Variants in CACNA1I observed in about 807,000 individuals in gnomAD.
The protein encoded by CACNA1I is calcium voltage-gated channel subunit alpha1 I.
CACNA1I carries 74 observed loss-of-function variants against 201.6 expected under a neutral mutation model. The observed-to-expected ratio is 0.37, with a 90% CI of 0.30 to 0.45. The LOEUF (loss-of-function observed/expected upper bound fraction) is 0.45. Among genes scored for constraint, CACNA1I ranks in the 20% least tolerant of loss-of-function variants. The pLI is 1.00. For synonymous variants in CACNA1I, 1,431 were observed against 1,345.2 expected (o/e 1.06, Z -1.40); for missense variants, 2,346 against 3,138.1 (o/e 0.75, Z 6.03).
intron 3 of CACNA1I, among the ~76,000 whole-genome samples, chr22:39,607,896 G>GGT (rs1404019311): frequency 2.8e-4 from 11 of 39,656 alleles, no homozygotes; most frequent in Admixed American, 1.7e-3. Flanking sequence ...GTGCCAAGGC[G>GGT]GGGGGGGGTC....
intron 4 of CACNA1I, among the ~76,000 whole-genome samples, chr22:39,623,982 G>A (rs111073900): frequency 0.1 from 15,017 of 149,918 alleles, 970 homozygotes; most frequent in African/African-American, 0.19. Flanking sequence ...TGTCAAGGGT[G>A]TGTGTGCGCC....
chr22:39,663,877 A>G, intron 19 of CACNA1I, 36 bp downstream of exon 19: 1 of 1,611,444 alleles, frequency 6.2e-7, no homozygotes, highest in Non-Finnish European at 8.5e-7. Context: ...GGCAGGCGCC[A>G]GGCCAAGGGA....
intron 1 of CACNA1I, among the ~76,000 whole-genome samples, chr22:39,594,274 A>G (rs917094507): frequency 6.6e-6 from 1 of 151,964 alleles, no homozygotes; most frequent in Admixed American, 6.6e-5. Flanking sequence ...GGCTCCTGGG[A>G]GACGCCACTA....
rs566666546 is a variant in CACNA1I, at chr22:39,661,303, G to A, written c.2894G>A (p.Arg965His). The A allele has an allele frequency of 5.2e-5, 82 of 1,565,980 alleles. No homozygotes were observed. Among genetic ancestry groups the A allele is most frequent in the Non-Finnish European group, 6.7e-5 (77 of 1,155,378 alleles). ...CTAGGGAGGATGAGCTATGACCAGC[G>A]CTCCCTGGTGAGTCCTTGTGGGGAG... is the stretch of plus-strand genomic sequence containing the variant. ...MSLGRMSYDQ[R>H]SLSSSRSSYY... is the part of the protein sequence containing the mutation. The change falls in exon 16 of 37, where the codon CGC (arginine) becomes CAC (histidine). Residue 965 changes from arginine (R) to histidine (H), a missense_variant. This residue lies in a region of CACNA1I where 288 missense variants were observed against 255.2 expected (regional missense o/e 1.13). Transcript: ENST00000402142.
chr22:39,595,487 T>C (rs1932871529), intron 1 of CACNA1I, among the ~76,000 whole-genome samples: 4 of 151,750 alleles, frequency 2.6e-5, no homozygotes, highest in Admixed American at 1.3e-4. Flanking sequence ...TAGCCGGGCA[T>C]AGTGGCAGGC....
At chr22:39,667,318 G>T (rs1935228083) in intron 23 of CACNA1I, among the ~76,000 whole-genome samples, 1 of 152,220 alleles carries the variant, frequency 6.6e-6, no homozygotes, top group Non-Finnish European at 1.5e-5. Flanking sequence ...AGGGGTCTGT[G>T]CTCTGGATGG....
In CACNA1I at chr22:39,684,370, C is replaced by G. The variant is rs1291432037; in HGVS notation, c.5899C>G (p.Pro1967Ala). Reference protein sequence around the residue: ...LLPMPAEFFHPAVSASQKGPE... With the variant: ...LLPMPAEFFHAAVSASQKGPE... ...GCCCATGCCAGCCGAGTTCTTCCAC[C>G]CTGCAGTGTCTGCCAGCCAGAAAGG... The change falls in exon 36 of 37, where the codon CCT becomes GCT. Residue 1967 changes from proline (P) to alanine (A), a missense_variant. Around this residue, in one of 13 missense-constraint regions of CACNA1I, gnomAD observed 441 missense variants for 555.6 expected, o/e 0.79. Transcript: ENST00000402142. This position sits in a 1 kb window ranked among gnomAD's most constrained non-coding sequence, Gnocchi z 4.6. 6.2e-7 allele frequency: 1 copy of G among 1,613,614 alleles called. No homozygotes were observed. The highest frequency in any genetic ancestry group is 1.7e-5 in the Admixed American group (1 of 60,006).
Position 39,686,125 on chromosome 22 carries a change from C to T in CACNA1I, c.6392C>T (p.Ser2131Leu). Residue 2131 changes from serine to leucine, a missense_variant, in exon 37 of 37, where the codon TCG becomes TTG. Physicochemically the swap from Ser to Leu is moderately radical, Grantham distance 145 (BLOSUM62 -2). Transcript: ENST00000402142. ...CACTCGGAGACCCTCAGCAGCCTCTCGCTCACCTCCCTCTTCTGCCCGCCG... is the reference window on the plus strand; with the variant it reads ...CACTCGGAGACCCTCAGCAGCCTCTTGCTCACCTCCCTCTTCTGCCCGCCG... Reference protein sequence around the residue: ...SEHSETLSSLSLTSLFCPPPP... With the variant: ...SEHSETLSSLLLTSLFCPPPP... 3 of 1,263,638 alleles carry T rather than the reference C, an allele frequency of 2.4e-6. No homozygotes were observed. Among genetic ancestry groups the T allele is most frequent in the Admixed American group, 4.0e-5 (1 of 25,246 alleles). The allele number at this position is 1,263,638 out of a possible 1,614,324, so 78.3% of individuals were successfully genotyped here.
rs988810666 is a variant in CACNA1I, at chr22:39,666,281, G to C, written c.4104+275G>C. Among the ~76,000 whole-genome samples the C allele has an allele frequency of 6.6e-6, 1 of 151,788 alleles. No individual in the cohort carries two copies. The highest frequency in any genetic ancestry group is 2.4e-5 in the African/African-American group (1 of 41,280). ...GTTCTTGGCTCCCACCCCCGACCCA[G>C]GGACCCCTGACAGGAGTTTTAGAAT... On this transcript the variant is annotated intron_variant, in intron 23 of 36. Transcript: ENST00000402142. This position sits in a 1 kb window ranked among gnomAD's most constrained non-coding sequence, Gnocchi z 4.1.
Position 39,686,137 on chromosome 22 carries a change from T to C in CACNA1I, c.6404T>C (p.Leu2135Pro). 1 of 1,179,444 alleles carries C rather than the reference T, an allele frequency of 8.5e-7. No homozygotes were observed. The highest frequency in any genetic ancestry group is 1.0e-6 in the Non-Finnish European group (1 of 953,246). The allele number at this position is 1,179,444 out of a possible 1,614,324, so 73.1% of individuals were successfully genotyped here. ...CTCAGCAGCCTCTCGCTCACCTCCC[T>C]CTTCTGCCCGCCGCCCCCGCCGCCA... Reference protein sequence around the residue: ...ETLSSLSLTSLFCPPPPPPAP... With the variant: ...ETLSSLSLTSPFCPPPPPPAP... The change falls in exon 37 of 37, where the codon CTC (leucine) becomes CCC (proline). Residue 2135 changes from leucine (L) to proline (P), a missense_variant. By Grantham distance (98) the Leu-to-Pro change is moderately conservative. This residue lies in a region of CACNA1I where 187 missense variants were observed against 151.0 expected (regional missense o/e 1.24). Transcript: ENST00000402142.
At chr22:39,636,429 G>A (rs759567804) in intron 5 of CACNA1I, among the ~76,000 whole-genome samples, 43 of 152,224 alleles carry the variant, frequency 2.8e-4, no homozygotes, top group Non-Finnish European at 4.4e-4. Flanking sequence ...TGATTGCCAC[G>A]CCTCCCTCTG....
chr22:39,623,974 T>G lies in CACNA1I; in HGVS notation c.580+4567T>G, dbSNP rs1387882462. Among the ~76,000 whole-genome samples the G allele has an allele frequency of 2.1e-5, 3 of 144,332 alleles. No homozygotes were observed. The Admixed American group carries it at 2.1e-4, about 10-fold the overall frequency. The allele number at this position is 144,332 out of a possible 152,430, so 94.7% of individuals were successfully genotyped here. On this transcript the variant is annotated intron_variant, in intron 4 of 36. Coordinates refer to ENST00000402142, the MANE Select transcript of CACNA1I (RefSeq NM_021096.4). ...GTGTGTGTGAAAGGGTGTGTATGTGTCAAGGGTGTGTGTGCGCCTCTGAAC... is the reference window on the plus strand; with the variant it reads ...GTGTGTGTGAAAGGGTGTGTATGTGGCAAGGGTGTGTGTGCGCCTCTGAAC...
Position 39,686,170 on chromosome 22 carries a change from G to T in CACNA1I, c.6437G>T (p.Gly2146Val), listed in dbSNP as rs1935867104. Reference sequence around the variant, plus strand: ...CCGCCGCCCCCGCCGCCAGCCCCCGGCCTCACGCCCGCCAGGAAGTTCAGC... The same window carrying T: ...CCGCCGCCCCCGCCGCCAGCCCCCGTCCTCACGCCCGCCAGGAAGTTCAGC... Reference protein sequence around the residue: ...FCPPPPPPAPGLTPARKFSST... With the variant: ...FCPPPPPPAPVLTPARKFSST... Residue 2146 changes from glycine to valine, a missense_variant, in exon 37 of 37, where the codon GGC becomes GTC. Physicochemically the swap from Gly to Val is moderately radical, Grantham distance 109. Coordinates refer to ENST00000402142, the MANE Select transcript of CACNA1I (RefSeq NM_021096.4). 4.7e-6 allele frequency: 6 copies of T among 1,283,232 alleles called. No individual in the cohort carries two copies. Among genetic ancestry groups the T allele is most frequent in the African/African-American group, 1.6e-5 (1 of 63,718 alleles). 79.5% of individuals were successfully genotyped at this position (1,283,232 alleles called of 1,614,324 possible). A position where few individuals can be genotyped will look rare whatever the true frequency, so the allele number is the denominator to read the frequency against.
chr22:39,618,870 A>G (rs532434774), intron 3 of CACNA1I, among the ~76,000 whole-genome samples: 3 of 152,192 alleles, frequency 2.0e-5, no homozygotes, highest in Non-Finnish European at 4.4e-5. Flanking sequence ...TGAAGGAGGC[A>G]AACTGCCTCC....
intron 2 of CACNA1I, 120 bp from the exon 3 acceptor site, chr22:39,600,400 G>T: frequency 2.7e-6 from 2 of 751,920 alleles, no homozygotes; most frequent in East Asian, 2.8e-5. Flanking sequence ...AGGAGTTTCC[G>T]GGTGTTTCCC....
intron 33 of CACNA1I, 47 bp downstream of exon 33, chr22:39,679,915 G>A (rs754670334): frequency 2.5e-5 from 39 of 1,574,638 alleles, no homozygotes; most frequent in South Asian, 2.1e-4. Context: ...GGGGCAGCAC[G>A]AAACCTGGTG....
At chr22:39,630,792 C>T (rs565754874) in intron 4 of CACNA1I, among the ~76,000 whole-genome samples, 7 of 152,374 alleles carry the variant, frequency 4.6e-5, no homozygotes, top group Admixed American at 3.3e-4. Context: ...GAGGCAGCCC[C>T]GAAAGTGGGC....
At position 39,620,275 on chromosome 22, in the gene CACNA1I, C is replaced by A. The variant is rs12161013; in HGVS notation, c.580+868C>A. 8.7e-3 allele frequency among the ~76,000 whole-genome samples: 385 copies of A among 44,444 alleles called. 6 individuals carry two copies. The highest frequency in any genetic ancestry group is 0.022 in the African/African-American group (329 of 14,690). The allele number at this position is 44,444 out of a possible 152,430, so 29.2% of individuals were successfully genotyped here. A position where few individuals can be genotyped will look rare whatever the true frequency, so the allele number is the denominator to read the frequency against. On this transcript the variant is annotated intron_variant, in intron 4 of 36. Coordinates refer to ENST00000402142, the MANE Select transcript of CACNA1I (RefSeq NM_021096.4). ...TCCATCCATCCATCCATCCATCCATCCATACGTACATACATACATCTGCTC... is the reference window on the plus strand; with the variant it reads ...TCCATCCATCCATCCATCCATCCATACATACGTACATACATACATCTGCTC...
intron 19 of CACNA1I, 79 bp downstream of exon 19, chr22:39,663,920 C>T: frequency 6.3e-7 from 1 of 1,583,244 alleles, no homozygotes; most frequent in Non-Finnish European, 8.6e-7. Flanking sequence ...GCAGGGAGAC[C>T]TCACCGAGGT....
Sources: gnomAD v4.1 joint callset for allele counts (sites outside exome capture counted in the v4.1 genomes callset) on GRCh38, gnomAD v4.1.1 for gene constraint, gnomAD v4.1.1 regional missense constraint, Gnocchi (gnomAD v3.1) non-coding constraint, MANE v1.5 for transcripts, NCBI Gene and HGNC (gene_info 2026-07-23, HGNC 2026-07-21) for gene names.